The following BTAF1 variants were observed in gnomAD, a reference collection of about 807,000 sequenced individuals.
The protein encoded by BTAF1 is B-TFIID TATA-box binding protein associated factor 1.
Under a neutral mutation model 227.1 loss-of-function variants are expected in BTAF1, and 38 were observed. The ratio of observed to expected loss-of-function variants is 0.17; its 90% confidence interval spans 0.13 to 0.22. BTAF1 has a LOEUF of 0.22. Ranked by LOEUF, BTAF1 falls within the 10% of genes least tolerant of loss-of-function variation. The pLI is 1.00. For missense variants in BTAF1, 1,598 were observed against 2,204.0 expected (o/e 0.73, Z 5.51); for synonymous variants, 742 against 751.9 (o/e 0.99, Z 0.21).
chr10:91,957,787 G>A (rs1402625102), intron 8 of BTAF1, among the ~76,000 whole-genome samples: 2 of 152,122 alleles, frequency 1.3e-5, no homozygotes, highest in Non-Finnish European at 2.9e-5. Context: ...CATTTATTTA[G>A]AATACCTTTT....
intron 14 of BTAF1, among the ~76,000 whole-genome samples, chr10:91,969,764 G>C (rs1349870273): frequency 6.6e-6 from 1 of 152,118 alleles, no homozygotes; most frequent in African/African-American, 2.4e-5. Flanking sequence ...AGGAGTTCCA[G>C]ACCAACGTGG....
rs932982671 is a variant in BTAF1, at chr10:91,942,924, C to T, written c.400+356C>T. Among the ~76,000 whole-genome samples, 11 of 152,218 alleles carry T rather than the reference C, an allele frequency of 7.2e-5. No individual in the cohort carries two copies. The East Asian group carries it at 2.1e-3, about 29-fold the overall frequency. On this transcript the variant is annotated intron_variant, in intron 4 of 37. Transcript: ENST00000265990. ...AGTATAGATCGTGGTAGTGTTTTCA[C>T]AATTCTGGAAATTTGAGAGATTGAT...
intron 2 of BTAF1, among the ~76,000 whole-genome samples, chr10:91,938,306 CT>C (rs1016761030): frequency 1.3e-5 from 2 of 152,122 alleles, no homozygotes; most frequent in African/African-American, 4.8e-5. Context: ...ATCACTTCTG[CT>C]TTTGGTGTCA....
At chr10:92,011,532 T>A in intron 30 of BTAF1, 117 bp downstream of exon 30, 1 of 386,410 alleles carries the variant, frequency 2.6e-6, no homozygotes, top group African/African-American at 2.1e-5. Flanking sequence ...ATTGTTGTTA[T>A]AGTAATGATA....
At position 91,992,158 on chromosome 10, in the gene BTAF1, C is replaced by G. The variant is rs1848835507; in HGVS notation, c.2894C>G (p.Thr965Ser). The change falls in exon 21 of 38, where the codon ACC becomes AGC. Residue 965 changes from threonine to serine, a missense_variant. This residue lies in a region of BTAF1 where 425 missense variants were observed against 491.2 expected (regional missense o/e 0.87). Transcript: ENST00000265990. ...SEKDGMHHTV[T>S]KHRGIITLYR... The stretch of plus-strand genomic sequence containing the variant: ...AAAGATGGAATGCACCATACTGTCA[C>G]CAAGCACAGAGGTATAATTACACTC... 1 of 1,607,890 alleles carries G rather than the reference C, an allele frequency of 6.2e-7. No homozygotes were observed. Among genetic ancestry groups the G allele is most frequent in the Non-Finnish European group, 8.5e-7 (1 of 1,177,846 alleles).
chr10:91,942,295 A>AAGTGTGTGTGT (rs398114637), intron 3 of BTAF1, 127 bp from the exon 4 acceptor site: 33 of 553,748 alleles, frequency 6.0e-5, no homozygotes, highest in Non-Finnish European at 7.8e-5. Context: ...TAAAAAAAAA[A>AAGTGTGTGTGT]GTTTGTGTGT....
intron 20 of BTAF1, among the ~76,000 whole-genome samples, chr10:91,991,915 C>T (rs551476791): frequency 3.3e-5 from 5 of 151,724 alleles, no homozygotes; most frequent in African/African-American, 1.2e-4. Flanking sequence ...TCAGATGGCT[C>T]TGCAACCTGG....
At chr10:91,989,111 G>T in intron 19 of BTAF1, 43 bp from the exon 20 acceptor site, 1 of 1,509,672 alleles carries the variant, frequency 6.6e-7, no homozygotes, top group South Asian at 1.3e-5. Context: ...TCTATTTGGG[G>T]TTGATATGAT....
At chr10:91,955,280 C>G (rs981329974) in intron 6 of BTAF1, among the ~76,000 whole-genome samples, 1 of 152,156 alleles carries the variant, frequency 6.6e-6, no homozygotes, top group Non-Finnish European at 1.5e-5. Context: ...GTTCATGAGT[C>G]ATTCACAAAC....
At position 91,966,621 on chromosome 10, in the gene BTAF1, G is replaced by A. The variant is rs1846939424; in HGVS notation, c.1530-16G>A. ...AACTTAGAATAAGTAAGATTAATTT[G>A]TGTCTTCTTTATTAGTATTCAGCAG... On this transcript the variant is annotated splice_polypyrimidine_tract_variant and intron_variant, in intron 13 of 37. Transcript: ENST00000265990. The A allele has an allele frequency of 4.3e-6, 7 of 1,611,326 alleles. No homozygotes were observed. In the African/African-American group the frequency reaches 5.3e-5, roughly 12 times the overall value.
intron 15 of BTAF1, among the ~76,000 whole-genome samples, chr10:91,980,884 G>A (rs1655240039): frequency 6.6e-6 from 1 of 152,106 alleles, no homozygotes; most frequent in Non-Finnish European, 1.5e-5. Context: ...TATAGATCCT[G>A]CAAAGTATCT....
intron 14 of BTAF1, among the ~76,000 whole-genome samples, chr10:91,980,087 C>G (rs760283196): frequency 2.6e-5 from 4 of 152,034 alleles, no homozygotes; most frequent in Non-Finnish European, 5.9e-5. Context: ...ACAGCAGTAA[C>G]CTGATTATTT....
intron 19 of BTAF1, among the ~76,000 whole-genome samples, chr10:91,986,386 T>TA (rs1195690225): frequency 6.6e-6 from 1 of 152,210 alleles, no homozygotes; most frequent in Admixed American, 6.5e-5. Context: ...GTAGTATATA[T>TA]GAGTTCTTCC....
At chr10:91,996,289 T>A in intron 23 of BTAF1, 80 bp from the exon 24 acceptor site, 3 of 1,269,524 alleles carry the variant, frequency 2.4e-6, no homozygotes, top group Non-Finnish European at 3.3e-6. Flanking sequence ...TTGAAAACTT[T>A]CCTGAGTATG....
intron 32 of BTAF1, among the ~76,000 whole-genome samples, chr10:92,014,869 C>G (rs553356426): frequency 6.6e-6 from 1 of 152,186 alleles, no homozygotes; most frequent in Admixed American, 6.5e-5. Flanking sequence ...TCCAAGGCTA[C>G]AAACCTGTAC....
At chr10:92,024,705 T>A (rs1851364780) in intron 34 of BTAF1, 51 bp from the exon 35 acceptor site, 10 of 1,458,350 alleles carry the variant, frequency 6.9e-6, no homozygotes, top group Middle Eastern at 2.5e-4. Flanking sequence ...TGAGATTAGT[T>A]TTCTGCTTTT....
At chr10:91,961,572 T>C (rs1846518384) in intron 11 of BTAF1, among the ~76,000 whole-genome samples, 1 of 152,110 alleles carries the variant, frequency 6.6e-6, no homozygotes. Flanking sequence ...TCCTGCCCCT[T>C]TTAGTGCTCT....
At chr10:92,021,366 G>A (rs1851105803) in intron 34 of BTAF1, among the ~76,000 whole-genome samples, 1 of 152,082 alleles carries the variant, frequency 6.6e-6, no homozygotes, top group Admixed American at 6.5e-5. Context: ...TTTTATATGA[G>A]GCAAAGTTGA....
chr10:92,002,794 A>G (rs1402980917), intron 25 of BTAF1, among the ~76,000 whole-genome samples: 1 of 152,140 alleles, frequency 6.6e-6, no homozygotes, highest in Non-Finnish European at 1.5e-5. Context: ...TCTTAAGTTG[A>G]GAGACATCAT....
Sources: gnomAD v4.1 joint callset for allele counts (sites outside exome capture counted in the v4.1 genomes callset) on GRCh38, gnomAD v4.1.1 for gene constraint, gnomAD v4.1.1 regional missense constraint, MANE v1.5 for transcripts, NCBI Gene and HGNC (gene_info 2026-07-23, HGNC 2026-07-21) for gene names.